NOL4: variants seen among roughly 807,000 people sequenced by gnomAD.
NOL4 encodes the protein cancer/testis antigen 125.
NOL4 carries 17 observed loss-of-function variants against 75.9 expected under a neutral mutation model. That is an observed-to-expected ratio of 0.22 (90% CI 0.15 to 0.34). The LOEUF is 0.34. NOL4 is among the 10% of genes least tolerant of loss of function. The pLI is 1.00. For synonymous variants in NOL4, 292 were observed against 289.9 expected (o/e 1.01, Z -0.07); for missense variants, 614 against 793.5 (o/e 0.77, Z 2.72).
intron 5 of NOL4, among the ~76,000 whole-genome samples, chr18:34,027,642 A>ATTATACACT (rs1211807799): frequency 3.9e-5 from 6 of 152,148 alleles, no homozygotes; most frequent in Non-Finnish European, 8.8e-5. Flanking sequence ...TTTATATTGT[A>ATTATACACT]TTATACACTA....
At chr18:34,109,057 AAT>A (rs2079457154) in intron 2 of NOL4, among the ~76,000 whole-genome samples, 1 of 152,202 alleles carries the variant, frequency 6.6e-6, no homozygotes, top group Non-Finnish European at 1.5e-5. Flanking sequence ...AAAATTTACA[AAT>A]ATGTGAAAAT....
chr18:33,910,013 T>C (rs990117366), intron 9 of NOL4, among the ~76,000 whole-genome samples: 1 of 152,186 alleles, frequency 6.6e-6, no homozygotes, highest in Non-Finnish European at 1.5e-5. Flanking sequence ...ATAGGCTAAG[T>C]GCATGTGTGC....
At chr18:34,084,479 A>T (rs923089269) in intron 5 of NOL4, among the ~76,000 whole-genome samples, 1 of 152,190 alleles carries the variant, frequency 6.6e-6, no homozygotes, top group Non-Finnish European at 1.5e-5. Flanking sequence ...TCACTATAAA[A>T]GTAAGCAGAT....
chr18:33,942,965 T>G, intron 9 of NOL4, 100 bp downstream of exon 9: 1 of 792,332 alleles, frequency 1.3e-6, no homozygotes, highest in Non-Finnish European at 2.1e-6. Flanking sequence ...TCTGTGTACT[T>G]TAAATCCATT....
intron 5 of NOL4, among the ~76,000 whole-genome samples, chr18:34,061,840 T>C (rs2077075225): frequency 6.6e-6 from 1 of 152,138 alleles, no homozygotes; most frequent in South Asian, 2.1e-4. Context: ...TCTATTGTAT[T>C]TCTTTTAATA....
intron 9 of NOL4, 86 bp downstream of exon 9, chr18:33,942,979 G>A (rs928428910): frequency 6.7e-6 from 6 of 889,072 alleles, no homozygotes; most frequent in African/African-American, 1.7e-5. Flanking sequence ...ATCCATTCAA[G>A]AGCTTTTACT....
intron 6 of NOL4, among the ~76,000 whole-genome samples, chr18:34,012,959 G>T (rs1054264620): frequency 1.3e-5 from 2 of 151,970 alleles, no homozygotes; most frequent in African/African-American, 4.8e-5. Context: ...ATGGGCTGCA[G>T]AGGCAGGTGA....
intron 1 of NOL4, among the ~76,000 whole-genome samples, chr18:34,211,597 T>G (rs1250006907): frequency 1.3e-5 from 2 of 152,218 alleles, no homozygotes; most frequent in African/African-American, 2.4e-5. Context: ...TTGTTCCTTA[T>G]TCTCAAAATT....
chr18:34,178,758 C>G (rs1454797172), intron 1 of NOL4, among the ~76,000 whole-genome samples: 2 of 151,560 alleles, frequency 1.3e-5, no homozygotes, highest in Non-Finnish European at 3.0e-5. Context: ...TAGTTGGAGA[C>G]TTAACCCAAT....
intron 2 of NOL4, among the ~76,000 whole-genome samples, chr18:34,118,667 C>A (rs1241659898): frequency 6.6e-6 from 1 of 152,154 alleles, no homozygotes; most frequent in East Asian, 1.9e-4. Context: ...CAATCACTGT[C>A]ACATTTGAGC....
chr18:33,942,942 C>T, intron 9 of NOL4, 123 bp downstream of exon 9: 1 of 636,340 alleles, frequency 1.6e-6, no homozygotes, highest in South Asian at 2.2e-5. Flanking sequence ...CATAAGGACA[C>T]AAAAACTATA....
intron 8 of NOL4, among the ~76,000 whole-genome samples, chr18:33,946,088 C>G (rs557566030): frequency 4.6e-4 from 70 of 151,578 alleles, no homozygotes; most frequent in African/African-American, 1.6e-3. Flanking sequence ...ATAAGCAGAA[C>G]AAAGGTAGAC....
At chr18:33,934,189 G>T (rs182587017) in intron 9 of NOL4, among the ~76,000 whole-genome samples, 6 of 152,036 alleles carry the variant, frequency 3.9e-5, no homozygotes, top group Non-Finnish European at 8.8e-5. Flanking sequence ...TCAACAGTGG[G>T]CTTAAAATAT....
intron 9 of NOL4, among the ~76,000 whole-genome samples, chr18:33,891,667 A>G (rs1437309648): frequency 6.6e-6 from 1 of 152,210 alleles, no homozygotes; most frequent in Non-Finnish European, 1.5e-5. Context: ...CGCTTGCAGA[A>G]GAGTTTCTTA....
intron 5 of NOL4, among the ~76,000 whole-genome samples, chr18:34,059,451 T>TC (rs1318695038): frequency 4.6e-5 from 7 of 152,058 alleles, no homozygotes; most frequent in Non-Finnish European, 7.4e-5. Flanking sequence ...TGATTTTTTT[T>TC]CTTAATGTCT....
intron 5 of NOL4, among the ~76,000 whole-genome samples, chr18:34,070,632 G>A (rs1233723918): frequency 6.6e-6 from 1 of 152,116 alleles, no homozygotes; most frequent in African/African-American, 2.4e-5. Flanking sequence ...TTAAAAGTGA[G>A]TGTAAAATAA....
chr18:33,881,161 CTGTT>C (rs1370789496), intron 10 of NOL4, among the ~76,000 whole-genome samples: 2 of 151,152 alleles, frequency 1.3e-5, no homozygotes, highest in African/African-American at 2.4e-5. Flanking sequence ...ATTTGGCTCT[CTGTT>C]TGTCTGTTGC....
chr18:34,001,898 A>G (rs897145336), intron 6 of NOL4: 3 of 152,130 alleles, frequency 2.0e-5, no homozygotes, highest in Admixed American at 6.6e-5. Context: ...TAGGTACTGA[A>G]GTGGGAAGAA....
intron 1 of NOL4, among the ~76,000 whole-genome samples, chr18:34,200,813 A>G (rs1385161504): frequency 6.6e-6 from 1 of 151,848 alleles, no homozygotes; most frequent in African/African-American, 2.4e-5. Context: ...CAGTAAAAAC[A>G]TTCAATGGAA....
Sources: gnomAD v4.1 joint callset for allele counts (sites outside exome capture counted in the v4.1 genomes callset) on GRCh38, gnomAD v4.1.1 for gene constraint, MANE v1.5 for transcripts, NCBI Gene and HGNC (gene_info 2026-07-23, HGNC 2026-07-21) for gene names.